The following ARID4B variants were observed in gnomAD, a reference collection of about 807,000 sequenced individuals.
ARID4B encodes AT-rich interactive domain-containing protein 4B.
In ARID4B, 26 loss-of-function variants were observed where a neutral mutation model predicts 147.5. That is an observed-to-expected ratio of 0.18 (90% CI 0.13 to 0.24). The LOEUF (loss-of-function observed/expected upper bound fraction) is 0.24, where lower values mean the gene tolerates loss of function less well. ARID4B is among the 10% of genes least tolerant of loss of function. The pLI is 1.00. For missense variants in ARID4B, 1,179 were observed against 1,511.5 expected, an observed-to-expected ratio of 0.78 and a Z score of 3.65; for synonymous variants, 512 against 507.9, an observed-to-expected ratio of 1.01 and a Z score of -0.11.
intron 2 of ARID4B, among the ~76,000 whole-genome samples, chr1:235,284,899 A>T (rs958402107): frequency 3.0e-5 from 4 of 133,416 alleles, no homozygotes; most frequent in African/African-American, 5.0e-5. Context: ...AAATGCAAAC[A>T]ATATATATAT....
intron 8 of ARID4B, among the ~76,000 whole-genome samples, chr1:235,238,917 A>G (rs1668800237): frequency 6.6e-6 from 1 of 151,592 alleles, no homozygotes; most frequent in Non-Finnish European, 1.5e-5. Flanking sequence ...GTCTTCAGAT[A>G]AAATCATCAT....
rs568336639 is a variant in ARID4B, at chr1:235,264,701, ATT to A, written c.7-3951_7-3950del. Among the ~76,000 whole-genome samples, 172 of 152,332 alleles carry A rather than the reference ATT, an allele frequency of 1.1e-3. 1 individual carries two copies. Among genetic ancestry groups the A allele is most frequent in the African/African-American group, 4.1e-3 (169 of 41,580 alleles). ...AACACTTGATGTGGACAAACAAGTC[ATT>A]TTATCAATAGTAATTCAGATTTGGT... On this transcript the variant is annotated intron_variant, in intron 2 of 23. Coordinates refer to ENST00000264183, the MANE Select transcript of ARID4B (RefSeq NM_016374.6).
intron 2 of ARID4B, among the ~76,000 whole-genome samples, chr1:235,297,101 G>C (rs906440309): frequency 6.6e-6 from 1 of 152,098 alleles, no homozygotes. Context: ...TGTACAAAGT[G>C]AACCTGATAT....
intron 2 of ARID4B, among the ~76,000 whole-genome samples, chr1:235,303,662 A>G (rs1572198209): frequency 6.6e-6 from 1 of 152,078 alleles, no homozygotes; most frequent in Admixed American, 6.6e-5. Context: ...CCAGGGGTTC[A>G]AGGCTGCAGT....
At chr1:235,209,807 G>A (rs1666593344) in intron 17 of ARID4B, among the ~76,000 whole-genome samples, 1 of 152,050 alleles carries the variant, frequency 6.6e-6, no homozygotes, top group Admixed American at 6.5e-5. Context: ...CAGGTGATCT[G>A]CCCGCCTCGG....
At chr1:235,302,206 AAGGAAGGGAAG>A (rs1458381388) in intron 2 of ARID4B, among the ~76,000 whole-genome samples, 5 of 142,134 alleles carry the variant, frequency 3.5e-5, no homozygotes, top group African/African-American at 1.3e-4. Context: ...AAACAAGGAA[AAGGAAGGGAAG>A]GGGAAGGGAA....
intron 9 of ARID4B, 83 bp from the exon 10 acceptor site, chr1:235,231,272 T>C (rs1668217388): frequency 1.4e-6 from 1 of 729,704 alleles, no homozygotes; most frequent in Non-Finnish European, 2.2e-6. Flanking sequence ...TGATTACATA[T>C]CACAGAAAGA....
chr1:235,312,778 C>A (rs912699052), intron 2 of ARID4B, among the ~76,000 whole-genome samples: 3 of 152,032 alleles, frequency 2.0e-5, no homozygotes, highest in African/African-American at 7.2e-5. Flanking sequence ...TTTGAGACCA[C>A]CCTAGGTAAC....
chr1:235,298,302 G>GT (rs1314626708), intron 2 of ARID4B, among the ~76,000 whole-genome samples: 1 of 151,868 alleles, frequency 6.6e-6, no homozygotes, highest in East Asian at 1.9e-4. Context: ...TTTTAAAGCT[G>GT]TATCACCAGC....
intron 10 of ARID4B, among the ~76,000 whole-genome samples, chr1:235,230,594 TAAAAAAAA>T (rs1175996354): frequency 3.4e-5 from 2 of 58,402 alleles, no homozygotes; most frequent in Non-Finnish European, 6.5e-5. Flanking sequence ...GACTATAAGC[TAAAAAAAA>T]AAAAAAAAAA....
At chr1:235,212,175 G>A (rs1355331867) in intron 17 of ARID4B, among the ~76,000 whole-genome samples, 2 of 152,166 alleles carry the variant, frequency 1.3e-5, no homozygotes, top group Non-Finnish European at 2.9e-5. Flanking sequence ...AGCCTGGGAG[G>A]TGGAAGTTGC....
Position 235,256,173 on chromosome 1 carries a change from C to CAAAAAAAAA in ARID4B, c.184-432_184-424dup, listed in dbSNP as rs58486379. Among the ~76,000 whole-genome samples, 48 of 92,392 alleles carry CAAAAAAAAA rather than the reference C, an allele frequency of 5.2e-4. 1 individual carries two copies. Among genetic ancestry groups the CAAAAAAAAA allele is most frequent in the African/African-American group, 8.2e-4 (19 of 23,226 alleles). 60.6% of individuals were successfully genotyped at this position (92,392 alleles called of 152,430 possible). A position where few individuals can be genotyped will look rare whatever the true frequency, so the allele number is the denominator to read the frequency against. ...TGGGTGACAGAGCAAGACTCTGCCT[C>CAAAAAAAAA]AAAAAAAAAAAAAAAAAGTGCCAGC... On this transcript the variant is annotated intron_variant, in intron 4 of 23. Coordinates refer to ENST00000264183, the MANE Select transcript of ARID4B (RefSeq NM_016374.6).
At chr1:235,187,777 T>C (rs1419396343) in intron 19 of ARID4B, among the ~76,000 whole-genome samples, 1 of 152,214 alleles carries the variant, frequency 6.6e-6, no homozygotes, top group African/African-American at 2.4e-5. Flanking sequence ...GTCTTCAATT[T>C]GATCTGTGGC....
chr1:235,274,366 C>T (rs1271281380), intron 2 of ARID4B, among the ~76,000 whole-genome samples: 7 of 151,838 alleles, frequency 4.6e-5, no homozygotes, highest in Admixed American at 6.6e-5. Context: ...CAGTGAGACT[C>T]CGACTCAAAA....
rs770643028 is a variant in ARID4B, at chr1:235,177,834, T to G, written c.3414A>C (p.Ala1138=). ...SSKKQKRSHK[A]TVVNNKKKGK... Reference sequence around the variant, plus strand: ...CCTTCTTTTTGTTGTTTACCACTGTTGCTTTATGGCTTCTTTTCTGCTTTT... The same window carrying G: ...CCTTCTTTTTGTTGTTTACCACTGTGGCTTTATGGCTTCTTTTCTGCTTTT... Residue 1138 remains alanine (A), a synonymous_variant, in exon 21 of 24, where the codon GCA becomes GCC. Transcript: ENST00000264183. 1.9e-6 allele frequency: 3 copies of G among 1,612,874 alleles called. No homozygotes were observed. The highest frequency in any genetic ancestry group is 8.5e-7 in the Non-Finnish European group (1 of 1,179,332).
In ARID4B at chr1:235,221,745, ATAT is replaced by A. The variant is rs1361350641; in HGVS notation, c.1066-86_1066-84del. On this transcript the variant is annotated intron_variant, in intron 13 of 23. Transcript: ENST00000264183. Reference sequence around the variant, plus strand: ...TTTGATAGACACAGTATATATGAGTATATTTTTATATTTATTGGTCCTAGACTC... The same window carrying A: ...TTTGATAGACACAGTATATATGAGTATTTTATATTTATTGGTCCTAGACTC... 3.6e-5 allele frequency: 20 copies of A among 562,730 alleles called. 1 individual carries two copies. Among genetic ancestry groups the A allele is most frequent in the Non-Finnish European group, 6.0e-5 (20 of 333,586 alleles). The allele number at this position is 562,730 out of a possible 1,614,324, so 34.9% of individuals were successfully genotyped here.
chr1:235,198,777 C>T (rs1042659481), intron 17 of ARID4B, among the ~76,000 whole-genome samples: 1 of 152,170 alleles, frequency 6.6e-6, no homozygotes, highest in Admixed American at 6.5e-5. Flanking sequence ...AACAGTATGG[C>T]CTTACTATTC....
intron 17 of ARID4B, among the ~76,000 whole-genome samples, chr1:235,203,882 A>G (rs564218367): frequency 2.0e-5 from 3 of 152,306 alleles, no homozygotes; most frequent in African/African-American, 7.2e-5. Context: ...ATATTTACCT[A>G]CTTTATGAAT....
At chr1:235,273,320 A>C (rs1671111103) in intron 2 of ARID4B, among the ~76,000 whole-genome samples, 1 of 152,228 alleles carries the variant, frequency 6.6e-6, no homozygotes, top group Non-Finnish European at 1.5e-5. Context: ...CTAGGACTAC[A>C]AGCATGAGCC....
Sources: gnomAD v4.1 joint callset for allele counts (sites outside exome capture counted in the v4.1 genomes callset) on GRCh38, gnomAD v4.1.1 for gene constraint, MANE v1.5 for transcripts, NCBI Gene and HGNC (gene_info 2026-07-23, HGNC 2026-07-21) for gene names.